The following DOK2 variants were observed in gnomAD, a reference collection of about 807,000 sequenced individuals.
DOK2 encodes the protein docking protein 2, also known as docking protein 2, 56kD.
DOK2 carries 28 observed loss-of-function variants against 26.0 expected under a neutral mutation model. The observed-to-expected ratio is 1.08, with a 90% CI of 0.80 to 1.48. The LOEUF (loss-of-function observed/expected upper bound fraction) is 1.48, where lower values mean the gene tolerates loss of function less well. Among genes scored for constraint, DOK2 ranks in the 40% most tolerant of loss-of-function variants. DOK2 has a pLI of 0.00. For missense variants in DOK2, 682 were observed against 558.2 expected (o/e 1.22, Z -2.23); for synonymous variants, 282 against 236.9 (o/e 1.19, Z -1.75).
At chr8:21,912,995 G>A (rs1809917523) in intron 1 of DOK2, among the ~76,000 whole-genome samples, 1 of 152,148 alleles carries the variant, frequency 6.6e-6, no homozygotes, top group Non-Finnish European at 1.5e-5. Context: ...TTGATAGGTT[G>A]GGCCATGAGA....
rs1809733602 is a variant in DOK2, at chr8:21,909,486, G to A, written c.1064C>T (p.Ser355Phe). Residue 355 changes from serine to phenylalanine, a missense_variant, in exon 5 of 5, where the codon TCC becomes TTC. Coordinates refer to ENST00000276420, the MANE Select transcript of DOK2 (RefSeq NM_003974.4). ...YDEPEGVAAL[S>F]LYDSPQEPRG... is the part of the protein sequence containing the mutation. ...GGGCTCCTGCGGGCTGTCATAGAGG[G>A]ACAGGGCAGCCACTCCCTCGGGCTC... is the stretch of plus-strand genomic sequence containing the variant. 4 of 1,613,898 alleles carry A rather than the reference G, an allele frequency of 2.5e-6. No individual in the cohort carries two copies. Among genetic ancestry groups the A allele is most frequent in the African/African-American group, 2.7e-5 (2 of 74,940 alleles).
In DOK2 at chr8:21,912,675, G is replaced by GGA. The variant is rs1389022205; in HGVS notation, c.64-167_64-166dup. 4 of 667,274 alleles carry GGA rather than the reference G, an allele frequency of 6.0e-6. No individual in the cohort carries two copies. The Admixed American group carries it at 9.3e-5, about 16-fold the overall frequency. 41.3% of individuals were successfully genotyped at this position (667,274 alleles called of 1,614,324 possible). On this transcript the variant is annotated intron_variant, in intron 1 of 4. Transcript: ENST00000276420. Reference sequence around the variant, plus strand: ...ATGAGACCCAGGGAGGCAGAGAAGAGGACAGTGACTGCAGGAATTAGAAAA... The same window carrying GGA: ...ATGAGACCCAGGGAGGCAGAGAAGAGGAGACAGTGACTGCAGGAATTAGAAAA...
intron 4 of DOK2, 102 bp downstream of exon 4, chr8:21,910,571 T>C: frequency 3.5e-6 from 5 of 1,443,616 alleles, no homozygotes; most frequent in Non-Finnish European, 4.7e-6. Context: ...CTTCACTCCA[T>C]CTCCCTCTCC....
intron 1 of DOK2, 102 bp from the exon 2 acceptor site, chr8:21,912,612 C>T: frequency 8.3e-7 from 1 of 1,200,418 alleles, no homozygotes; most frequent in Non-Finnish European, 1.1e-6. Context: ...GGGACTGGGG[C>T]AGCCACTTGG....
Position 21,909,821 on chromosome 8 carries a change from A to G in DOK2, c.729T>C (p.Ser243=). The G allele has an allele frequency of 3.1e-6, 5 of 1,613,984 alleles. No homozygotes were observed. The highest frequency in any genetic ancestry group is 4.2e-6 in the Non-Finnish European group (5 of 1,180,018). The change falls in exon 5 of 5, where the codon TCT becomes TCC. Residue 243 remains serine (S), a synonymous_variant. Transcript: ENST00000276420. ...TAGCGGGTGCAGCATTCTTCTGGGC[A>G]GAGATGGCCTCTTCCAGGGCCAAGA... ...EIFLALEEAI[S]AQKNAAPATP... is the part of the protein sequence containing the mutation.
intron 2 of DOK2, 116 bp downstream of exon 2, chr8:21,912,113 A>G: frequency 1.4e-6 from 2 of 1,464,940 alleles, no homozygotes; most frequent in Admixed American, 2.3e-5. Context: ...GTCCCCCCAC[A>G]TGGAGGAAGC....
At chr8:21,913,233 C>T (rs1362752191) in intron 1 of DOK2, among the ~76,000 whole-genome samples, 4 of 152,084 alleles carry the variant, frequency 2.6e-5, no homozygotes, top group Non-Finnish European at 5.9e-5. Context: ...CCAAGGTGTC[C>T]GGTGAAAAGA....
rs775189966 is a variant in DOK2, at chr8:21,912,495, C to G, written c.79G>C (p.Gly27Arg). 2 of 1,523,866 alleles carry G rather than the reference C, an allele frequency of 1.3e-6. No homozygotes were observed. Among genetic ancestry groups the G allele is most frequent in the Non-Finnish European group, 8.8e-7 (1 of 1,137,242 alleles). 94.4% of individuals were successfully genotyped at this position (1,523,866 alleles called of 1,614,324 possible). ...QTFGKKWRRF[G>R]ASLYGGSDCA... Reference sequence around the variant, plus strand: ...TCCGACCCTCCATACAGTGAGGCGCCGAAGCGGCGCCATTTCTGTGCCAGA... The same window carrying G: ...TCCGACCCTCCATACAGTGAGGCGCGGAAGCGGCGCCATTTCTGTGCCAGA... Residue 27 changes from glycine to arginine, a missense_variant, in exon 2 of 5, where the codon GGC becomes CGC. By Grantham distance (125) the Gly-to-Arg change is moderately radical. Coordinates refer to ENST00000276420, the MANE Select transcript of DOK2 (RefSeq NM_003974.4).
rs866821306 is a variant in DOK2, at chr8:21,912,369, C to T, written c.205G>A (p.Ala69Thr). 6.2e-7 allele frequency: 1 copy of T among 1,605,908 alleles called. No individual in the cohort carries two copies. The highest frequency in any genetic ancestry group is 8.5e-7 in the Non-Finnish European group (1 of 1,177,750). Residue 69 changes from alanine (A) to threonine (T), a missense_variant, in exon 2 of 5, where the codon GCC becomes ACC. Transcript: ENST00000276420. ...CTGCTGGCCTCTCCGCCGGCCTCGG[C>T]CACCCGCAGGCAGTCACTGAGGCGG... ...VIRLSDCLRV[A>T]EAGGEASSPR... is the part of the protein sequence containing the mutation.
intron 1 of DOK2, among the ~76,000 whole-genome samples, chr8:21,912,903 G>A (rs1327860449): frequency 6.6e-6 from 1 of 152,178 alleles, no homozygotes; most frequent in Non-Finnish European, 1.5e-5. Context: ...GTGTGACCCG[G>A]GCTGGAGACC....
At position 21,912,282 on chromosome 8, in the gene DOK2, G is replaced by C. The variant is rs1271869674; in HGVS notation, c.292C>G (p.Pro98Ala). Residue 98 changes from proline to alanine, a missense_variant, in exon 2 of 5, where the codon CCT becomes GCT. Pro to Ala is a conservative substitution (Grantham distance 27). Coordinates refer to ENST00000276420, the MANE Select transcript of DOK2 (RefSeq NM_003974.4). Reference sequence around the variant, plus strand: ...ACCCAGTCGCCGCGCTCCGCTGCAGGGGCCGCCAGGAGGTACAGGCGCTCC... The same window carrying C: ...ACCCAGTCGCCGCGCTCCGCTGCAGCGGCCGCCAGGAGGTACAGGCGCTCC... ...TKERLYLLAA[P>A]AAERGDWVQA... 6.3e-7 allele frequency: 1 copy of C among 1,589,566 alleles called. No individual in the cohort carries two copies. The highest frequency in any genetic ancestry group is 8.5e-7 in the Non-Finnish European group (1 of 1,170,548).
chr8:21,912,513 G>T lies in DOK2; in HGVS notation c.64-3C>A. On this transcript the variant is annotated splice_region_variant and splice_polypyrimidine_tract_variant and intron_variant, in intron 1 of 4. Coordinates refer to ENST00000276420, the MANE Select transcript of DOK2 (RefSeq NM_003974.4). ...GAGGCGCCGAAGCGGCGCCATTTCT[G>T]TGCCAGAGGCGTGGGAGGCGGGGGC... 1 of 1,508,658 alleles carries T rather than the reference G, an allele frequency of 6.6e-7. No homozygotes were observed. Among genetic ancestry groups the T allele is most frequent in the Non-Finnish European group, 8.8e-7 (1 of 1,131,006 alleles). The allele number at this position is 1,508,658 out of a possible 1,614,324, so 93.5% of individuals were successfully genotyped here. A position where few individuals can be genotyped will look rare whatever the true frequency, so the allele number is the denominator to read the frequency against.
chr8:21,910,350 T>G (rs892445297), intron 4 of DOK2, among the ~76,000 whole-genome samples: 7 of 152,156 alleles, frequency 4.6e-5, no homozygotes, highest in African/African-American at 1.7e-4. Context: ...TGGGAACTGC[T>G]GGAGCCTCCT....
In DOK2 at chr8:21,912,286, C is replaced by G. The variant is rs1273425407; in HGVS notation, c.288G>C (p.Ala96=). Residue 96 remains alanine, a synonymous_variant, in exon 2 of 5, where the codon GCG becomes GCC. Transcript: ENST00000276420. ...LETKERLYLL[A]APAAERGDWV... The stretch of plus-strand genomic sequence containing the variant: ...AGTCGCCGCGCTCCGCTGCAGGGGC[C>G]GCCAGGAGGTACAGGCGCTCCTTGG... The G allele has an allele frequency of 1.3e-6, 2 of 1,591,902 alleles. No homozygotes were observed. Among genetic ancestry groups the G allele is most frequent in the South Asian group, 1.1e-5 (1 of 88,060 alleles).
chr8:21,913,404 T>G, intron 1 of DOK2, 135 bp downstream of exon 1: 1 of 1,029,824 alleles, frequency 9.7e-7, no homozygotes, highest in Non-Finnish European at 1.4e-6. Flanking sequence ...CCTCCCAAAG[T>G]TGAGCTCTGG....
At chr8:21,913,480 C>T (rs929699476) in intron 1 of DOK2, 59 bp downstream of exon 1, 14 of 1,604,314 alleles carry the variant, frequency 8.7e-6, no homozygotes, top group African/African-American at 2.7e-5. Flanking sequence ...CTCTCCAACC[C>T]AGGAATTCTA....
Position 21,912,455 on chromosome 8 carries a change from C to G in DOK2, c.119G>C (p.Arg40Pro), listed in dbSNP as rs769706992. ...LYGGSDCALA[R>P]LELQEGPEKP... ...CTCCGGGCCCTCCTGCAGCTCCAGC[C>G]GGGCCAAGGCGCAGTCCGACCCTCC... Residue 40 changes from arginine (R) to proline (P), a missense_variant, in exon 2 of 5, where the codon CGG (arginine) becomes CCG (proline). Physicochemically the swap from Arg to Pro is moderately radical, Grantham distance 103. Coordinates refer to ENST00000276420, the MANE Select transcript of DOK2 (RefSeq NM_003974.4). 5.8e-6 allele frequency: 9 copies of G among 1,564,516 alleles called. No individual in the cohort carries two copies. In the South Asian group the frequency reaches 1.0e-4, roughly 18 times the overall value.
rs1475921284 is a variant in DOK2, at chr8:21,910,777, G to A, written c.514C>T (p.Leu172Phe). Reference sequence around the variant, plus strand: ...TCCAGGGCACTCTCCCCAGCCCGGAGGGTATAGGACCCCCGCAGGTGGCAC... The same window carrying A: ...TCCAGGGCACTCTCCCCAGCCCGGAAGGTATAGGACCCCCGCAGGTGGCAC... Reference protein sequence around the residue: ...ERCHLRGSYTLRAGESALELW... With the variant: ...ERCHLRGSYTFRAGESALELW... The change falls in exon 4 of 5, where the codon CTC (leucine) becomes TTC (phenylalanine). Residue 172 changes from leucine (L) to phenylalanine (F), a missense_variant. Leu to Phe is a conservative substitution (Grantham distance 22). Coordinates refer to ENST00000276420, the MANE Select transcript of DOK2 (RefSeq NM_003974.4). The A allele has an allele frequency of 2.1e-5, 34 of 1,613,840 alleles. No individual in the cohort carries two copies. The highest frequency in any genetic ancestry group is 2.8e-5 in the Non-Finnish European group (33 of 1,179,982).
At position 21,909,367 on chromosome 8, in the gene DOK2, C is replaced by T; in HGVS notation, c.1183G>A (p.Gly395Ser). The T allele has an allele frequency of 1.3e-6, 2 of 1,580,562 alleles. No individual in the cohort carries two copies. Among genetic ancestry groups the T allele is most frequent in the South Asian group, 1.2e-5 (1 of 85,760 alleles). Reference protein sequence around the residue: ...QPAGQDFSASGWQPGTEYDNV... With the variant: ...QPAGQDFSASSWQPGTEYDNV... ...TCATACTCAGTTCCTGGCTGCCAGC[C>T]AGAAGCAGAGAAATCCTGCCCGGCT... The change falls in exon 5 of 5, where the codon GGC becomes AGC. Residue 395 changes from glycine to serine, a missense_variant. Gly to Ser is a moderately conservative substitution (Grantham distance 56). Coordinates refer to ENST00000276420, the MANE Select transcript of DOK2 (RefSeq NM_003974.4).
Sources: allele counts gnomAD v4.1 joint callset (sites outside exome capture counted in the v4.1 genomes callset), GRCh38; gene constraint gnomAD v4.1.1; transcripts MANE v1.5; gene names NCBI Gene and HGNC (gene_info 2026-07-23, HGNC 2026-07-21).